CWC25: variants seen among roughly 807,000 people sequenced by gnomAD.
CWC25 encodes CWC25 spliceosome associated protein.
Under a neutral mutation model 54.6 loss-of-function variants are expected in CWC25, and 31 were observed. The observed-to-expected ratio is 0.57, with a 90% confidence interval of 0.43 to 0.77. The LOEUF is 0.77. Among genes scored for constraint, CWC25 ranks in the 30% least tolerant of loss-of-function variants. CWC25 has a pLI of 0.00. For missense variants in CWC25, 453 were observed against 529.3 expected, an observed-to-expected ratio of 0.86 and a Z score of 1.41; for synonymous variants, 151 against 187.0, an observed-to-expected ratio of 0.81 and a Z score of 1.57.
chr17:38,818,315 C>T (rs1182702068), intron 2 of CWC25, among the ~76,000 whole-genome samples: 2 of 151,464 alleles, frequency 1.3e-5, no homozygotes, highest in Admixed American at 1.3e-4. Context: ...TAAAACCAGC[C>T]GGGCACTGTG....
chr17:38,801,152 T>C lies in CWC25; in HGVS notation c.*940A>G, dbSNP rs548270470. The C allele has an allele frequency of 6.6e-6, 1 of 152,198 alleles. No individual in the cohort carries two copies. The highest frequency in any genetic ancestry group is 2.4e-5 in the African/African-American group (1 of 41,516). The allele number at this position is 152,198 out of a possible 1,614,324, so 9.4% of individuals were successfully genotyped here. On this transcript the variant is annotated 3_prime_UTR_variant, in exon 10 of 10. Transcript: ENST00000614790. ...CAAACAACTCCTGAAAATCTGTAAT[T>C]GTAGTAAGGTTACTACACGGTAAGA...
At chr17:38,823,159 C>CTTT (rs35287371) in intron 1 of CWC25, among the ~76,000 whole-genome samples, 3 of 122,438 alleles carry the variant, frequency 2.5e-5, no homozygotes, top group Non-Finnish European at 5.0e-5. Context: ...TTTTTTTTAA[C>CTTT]TTTTTTTTTT....
In CWC25 at chr17:38,825,220, A is replaced by G. The variant is rs1034849174; in HGVS notation, c.-37T>C. 9 of 1,579,990 alleles carry G rather than the reference A, an allele frequency of 5.7e-6. No individual in the cohort carries two copies. The highest frequency in any genetic ancestry group is 6.9e-6 in the Non-Finnish European group (8 of 1,163,972). On this transcript the variant is annotated 5_prime_UTR_variant, in exon 1 of 10. Transcript: ENST00000614790. The stretch of plus-strand genomic sequence containing the variant: ...CGATTCCTCACTACGCGGATCTGGA[A>G]GATTTCGGGAGGATCAAGAGAAAAC...
In CWC25 at chr17:38,801,830, G is replaced by C. The variant is rs1310071075; in HGVS notation, c.*262C>G. On this transcript the variant is annotated 3_prime_UTR_variant, in exon 10 of 10. Coordinates refer to ENST00000614790, the MANE Select transcript of CWC25 (RefSeq NM_017748.5). ...CAACCCCAGGGAACAGCCTTCCAGA[G>C]TGGCACAAGCACTCCCACCGAGATG... 6.1e-6 allele frequency: 2 copies of C among 329,644 alleles called. No individual in the cohort carries two copies. The highest frequency in any genetic ancestry group is 5.4e-6 in the Non-Finnish European group (1 of 184,078). 20.4% of individuals were successfully genotyped at this position (329,644 alleles called of 1,614,324 possible).
chr17:38,814,091 G>GACC (rs1193917067), intron 3 of CWC25, among the ~76,000 whole-genome samples: 3 of 151,588 alleles, frequency 2.0e-5, no homozygotes, highest in Admixed American at 2.0e-4. Flanking sequence ...TCGATCTCCT[G>GACC]ACCTCGTGAT....
intron 3 of CWC25, among the ~76,000 whole-genome samples, chr17:38,814,308 G>T (rs1283201167): frequency 6.7e-6 from 1 of 149,620 alleles, no homozygotes; most frequent in African/African-American, 2.5e-5. Flanking sequence ...TTTTGAGACG[G>T]AGTCTCGCTC....
In CWC25 at chr17:38,806,767, T is replaced by C. The variant is rs1911257839; in HGVS notation, c.900A>G (p.Lys300=). 1.3e-6 allele frequency: 2 copies of C among 1,575,100 alleles called. No individual in the cohort carries two copies. Among genetic ancestry groups the C allele is most frequent in the Non-Finnish European group, 8.6e-7 (1 of 1,163,030 alleles). ...TTCCCAGTGAATCCCACACTCACAG[T>C]TTGCTGGGTCTTGGGGACCGTGACC... The part of the protein sequence containing the change: ...GRRSRSPRPS[K]LHNSKVNRRE... Residue 300 remains lysine, a splice_region_variant and synonymous_variant, in exon 7 of 10, where the codon AAA becomes AAG. Coordinates refer to ENST00000614790, the MANE Select transcript of CWC25 (RefSeq NM_017748.5).
rs767430835 is a variant in CWC25 at position 38,806,774 on chromosome 17, G to A, written c.893C>T (p.Pro298Leu). The A allele has an allele frequency of 1.3e-5, 21 of 1,583,334 alleles. No homozygotes were observed. Among genetic ancestry groups the A allele is most frequent in the Non-Finnish European group, 1.7e-5 (20 of 1,166,748 alleles). Residue 298 changes from proline to leucine, a missense_variant, in exon 7 of 10, where the codon CCC (proline) becomes CTC (leucine). Physicochemically the swap from Pro to Leu is moderately conservative, Grantham distance 98. Transcript: ENST00000614790. ...SLGRRSRSPR[P>L]SKLHNSKVNR... is the part of the protein sequence containing the mutation. ...TGAATCCCACACTCACAGTTTGCTG[G>A]GTCTTGGGGACCGTGACCTTCTGCC...
chr17:38,810,199 C>T (rs1911425711), intron 5 of CWC25: 4 of 469,158 alleles, frequency 8.5e-6, no homozygotes, highest in Non-Finnish European at 1.5e-5. Context: ...GATGTCTGAC[C>T]TACCTAAGAC....
intron 6 of CWC25, among the ~76,000 whole-genome samples, chr17:38,807,273 A>T: frequency 7.6e-6 from 1 of 131,588 alleles, no homozygotes; most frequent in African/African-American, 2.8e-5. Context: ...CAGTGAGCTG[A>T]GATCGCACCA....
intron 2 of CWC25, among the ~76,000 whole-genome samples, chr17:38,820,700 G>C (rs73295173): frequency 0.024 from 3,670 of 152,130 alleles, 166 homozygotes; most frequent in African/African-American, 0.084. Context: ...TTACTCCCTG[G>C]TCCTACTGAA....
intron 1 of CWC25, among the ~76,000 whole-genome samples, chr17:38,823,650 T>C (rs1912019579): frequency 6.6e-6 from 1 of 152,116 alleles, no homozygotes; most frequent in Admixed American, 6.6e-5. Context: ...ATTCAGTTGG[T>C]TGGTTGTGGG....
At chr17:38,818,605 A>G (rs1045573564) in intron 2 of CWC25, among the ~76,000 whole-genome samples, 1 of 150,216 alleles carries the variant, frequency 6.7e-6, no homozygotes, top group African/African-American at 2.5e-5. Context: ...AAAAAAAAAA[A>G]AAAAAAAAAG....
At chr17:38,821,564 A>C (rs552219542) in intron 1 of CWC25, among the ~76,000 whole-genome samples, 4 of 152,122 alleles carry the variant, frequency 2.6e-5, no homozygotes, top group Non-Finnish European at 5.9e-5. Flanking sequence ...GTCTCAAAAC[A>C]ACAAGAACAA....
chr17:38,818,239 G>A (rs1911780062), intron 2 of CWC25, among the ~76,000 whole-genome samples: 1 of 151,156 alleles, frequency 6.6e-6, no homozygotes, highest in Non-Finnish European at 1.5e-5. Context: ...TCGCACCACT[G>A]CACTCCAGCC....
intron 2 of CWC25, chr17:38,815,598 G>C: frequency 1.0e-6 from 1 of 970,074 alleles, no homozygotes. Flanking sequence ...AGGCTTACGA[G>C]TGAATGGAGA....
intron 8 of CWC25, among the ~76,000 whole-genome samples, chr17:38,804,799 CAA>C (rs4042818): frequency 0.055 from 3,580 of 64,720 alleles, 48 homozygotes; most frequent in African/African-American, 0.12. Context: ...CAGAGCGAGA[CAA>C]AAAAAAAAAA....
Position 38,820,974 on chromosome 17 carries a change from G to C in CWC25, c.118C>G (p.Leu40Val), listed in dbSNP as rs1272725017. 2 of 1,613,848 alleles carry C rather than the reference G, an allele frequency of 1.2e-6. No individual in the cohort carries two copies. Among genetic ancestry groups the C allele is most frequent in the Non-Finnish European group, 1.7e-6 (2 of 1,179,910 alleles). The change falls in exon 2 of 10, where the codon CTT becomes GTT. Residue 40 changes from leucine (L) to valine (V), a missense_variant. Transcript: ENST00000614790. ...HEAERKKIEE[L>V]QRELREERAR... ...CTCTCTTCTCGCAGCTCCCGCTGAA[G>C]CTCCTCAATCTTCTTCCGCTCAGCC...
At chr17:38,812,944 C>T (rs1226132257) in intron 3 of CWC25, 80 bp from the exon 4 acceptor site, 4 of 783,400 alleles carry the variant, frequency 5.1e-6, no homozygotes, top group African/African-American at 1.7e-5. Context: ...CAAACATATA[C>T]AGACAAACTG....
Sources: allele counts gnomAD v4.1 joint callset (sites outside exome capture counted in the v4.1 genomes callset), GRCh38; gene constraint gnomAD v4.1.1; transcripts MANE v1.5; gene names NCBI Gene and HGNC (gene_info 2026-07-23, HGNC 2026-07-21).